DCAF8L2: variants seen among roughly 807,000 people sequenced by gnomAD.
DCAF8L2 encodes the protein DDB1 and CUL4 associated factor 8 like 2.
For missense variants in DCAF8L2, 430 were observed against 490.7 expected (o/e 0.88, Z 1.17); for synonymous variants, 200 against 190.9 (o/e 1.05, Z -0.39).
At chrX:27,719,952 A>G in intron 4 of DCAF8L2, among the ~76,000 whole-genome samples, 1 of 110,514 alleles carries the variant, frequency 9.0e-6, no homozygotes, top group East Asian at 2.8e-4. Context: ...TATCCTGCTT[A>G]AGAAACTTTG....
chrX:27,582,680 T>A, the DCAF8L2 span, among the ~76,000 whole-genome samples: 2 of 111,565 alleles, frequency 1.8e-5, no homozygotes, highest in African/African-American at 6.5e-5. Flanking sequence ...GCCTGAGTTT[T>A]GAATCCCATT....
chrX:27,747,066 C>T lies in DCAF8L2; in HGVS notation c.171C>T (p.Ser57=), dbSNP rs1395040961. ...CAGTGACCGGAGATGGCAGTGATAG[C>T]AGGGATGGTGGATTCCCCAACGATG... ...SVTVTGDGSD[S]RDGGFPNDAS... The change falls in exon 5 of 5, where the codon AGC becomes AGT. Residue 57 remains serine, a synonymous_variant. Coordinates refer to ENST00000451261, the MANE Select transcript of DCAF8L2 (RefSeq NM_001353450.2). 2.0e-5 allele frequency: 23 copies of T among 1,167,273 alleles called. No individual in the cohort carries two copies. The highest frequency in any genetic ancestry group is 2.6e-5 in the Non-Finnish European group (23 of 873,378).
At chrX:27,697,242 A>G (rs1930958361) in intron 3 of DCAF8L2, among the ~76,000 whole-genome samples, 1 of 111,625 alleles carries the variant, frequency 9.0e-6, no homozygotes, top group Non-Finnish European at 1.9e-5. Context: ...AAGTTATTAA[A>G]TCTTAAAGCA....
At chrX:27,632,358 C>G (rs765407633) in intron 2 of DCAF8L2, 1 of 111,311 alleles carries the variant, frequency 9.0e-6, no homozygotes, top group South Asian at 3.8e-4. Context: ...CCATTTAAAA[C>G]AGAAATCACG....
At chrX:27,492,580 A>C in the DCAF8L2 span, among the ~76,000 whole-genome samples, 2 of 108,836 alleles carry the variant, frequency 1.8e-5, no homozygotes, top group Non-Finnish European at 3.8e-5. Context: ...CCCAGGTTTA[A>C]GCAATTCTCC....
chrX:27,556,966 A>G, the DCAF8L2 span, among the ~76,000 whole-genome samples: 1 of 112,382 alleles, frequency 8.9e-6, no homozygotes, highest in Non-Finnish European at 1.9e-5. Flanking sequence ...ACCTAAATAT[A>G]TTAACTTGGT....
intron 2 of DCAF8L2, among the ~76,000 whole-genome samples, chrX:27,672,146 C>G (rs1569178173): frequency 9.0e-6 from 1 of 111,612 alleles, no homozygotes; most frequent in Non-Finnish European, 1.9e-5. Context: ...CCATATCAAA[C>G]AGTGTTTGCT....
the DCAF8L2 span, among the ~76,000 whole-genome samples, chrX:27,516,500 ACTCT>A: frequency 7.6e-5 from 8 of 105,425 alleles, no homozygotes; most frequent in South Asian, 4.2e-4. Context: ...ACACACACAT[ACTCT>A]CTCTCTCTCT....
chrX:27,646,444 C>A (rs1928940252), intron 2 of DCAF8L2, among the ~76,000 whole-genome samples: 1 of 111,414 alleles, frequency 9.0e-6, no homozygotes, highest in Non-Finnish European at 1.9e-5. Flanking sequence ...AATGTAAAAC[C>A]CAAAATTATA....
chrX:27,570,345 TGAAA>T, the DCAF8L2 span, among the ~76,000 whole-genome samples: 1 of 111,703 alleles, frequency 9.0e-6, no homozygotes, highest in African/African-American at 3.3e-5. Context: ...GTGCTAAGAA[TGAAA>T]GAAAGATCAG....
intron 1 of DCAF8L2, among the ~76,000 whole-genome samples, chrX:27,593,590 C>T (rs1455485380): frequency 9.0e-6 from 1 of 111,595 alleles, no homozygotes; most frequent in Non-Finnish European, 1.9e-5. Context: ...TTGCATGGAG[C>T]AGGGTCCTCA....
intron 1 of DCAF8L2, among the ~76,000 whole-genome samples, chrX:27,612,592 G>A (rs1927242876): frequency 8.9e-6 from 1 of 112,096 alleles, no homozygotes; most frequent in African/African-American, 3.2e-5. Flanking sequence ...TAACATTTAA[G>A]TCTTTATTCC....
At chrX:27,732,484 G>A (rs1395521619) in intron 4 of DCAF8L2, among the ~76,000 whole-genome samples, 6 of 82,377 alleles carry the variant, frequency 7.3e-5, no homozygotes, top group African/African-American at 2.9e-4. Flanking sequence ...ATTTTCCTGT[G>A]TGTGTGCGCG....
At chrX:27,741,512 C>A (rs1465595208) in intron 4 of DCAF8L2, among the ~76,000 whole-genome samples, 1 of 107,391 alleles carries the variant, frequency 9.3e-6, no homozygotes, top group Non-Finnish European at 1.9e-5. Flanking sequence ...CAGCATCCAA[C>A]CAGAATCCCA....
the DCAF8L2 span, among the ~76,000 whole-genome samples, chrX:27,501,387 C>T: frequency 9.1e-6 from 1 of 110,468 alleles, no homozygotes; most frequent in Middle Eastern, 4.6e-3. Flanking sequence ...ATAACACATA[C>T]ATGAGCTCAA....
chrX:27,499,796 C>G, the DCAF8L2 span, among the ~76,000 whole-genome samples: 102 of 107,554 alleles, frequency 9.5e-4, no homozygotes, highest in Non-Finnish European at 1.8e-3. Context: ...AGGTCCCACC[C>G]GCAACACTGA....
At chrX:27,515,584 C>T in the DCAF8L2 span, among the ~76,000 whole-genome samples, 1 of 111,785 alleles carries the variant, frequency 8.9e-6, no homozygotes, top group Non-Finnish European at 1.9e-5. Flanking sequence ...ATCCATATTG[C>T]AAATGGTTCT....
intron 1 of DCAF8L2, among the ~76,000 whole-genome samples, chrX:27,618,757 GTCC>G (rs765664663): frequency 9.0e-6 from 1 of 111,571 alleles, no homozygotes; most frequent in East Asian, 2.8e-4. Flanking sequence ...TCAAAACTCA[GTCC>G]TCCTATTTAT....
At chrX:27,620,101 A>G (rs1927684319) in intron 1 of DCAF8L2, among the ~76,000 whole-genome samples, 1 of 111,774 alleles carries the variant, frequency 8.9e-6, no homozygotes, top group African/African-American at 3.2e-5. Flanking sequence ...ATTCAAGCTA[A>G]TTGACAAAAT....
Sources: gnomAD v4.1 joint callset for allele counts (sites outside exome capture counted in the v4.1 genomes callset) on GRCh38, gnomAD v4.1.1 for gene constraint, MANE v1.5 for transcripts, NCBI Gene and HGNC (gene_info 2026-07-23, HGNC 2026-07-21) for gene names.